Variants in ST6GALNAC3 observed in about 807,000 individuals in gnomAD.
ST6GALNAC3 encodes the protein ST6 N-acetylgalactosaminide alpha-2,6-sialyltransferase 3.
ST6GALNAC3 carries 25 observed loss-of-function variants against 32.7 expected under a neutral mutation model. The ratio of observed to expected loss-of-function variants is 0.76; its 90% CI spans 0.56 to 1.07. The LOEUF (loss-of-function observed/expected upper bound fraction) is 1.07. ST6GALNAC3 is among the 50% of genes least tolerant of loss of function. The pLI is 0.00. For missense variants in ST6GALNAC3, 355 were observed against 382.4 expected, an observed-to-expected ratio of 0.93 and a Z score of 0.60; for synonymous variants, 129 against 133.1, an observed-to-expected ratio of 0.97 and a Z score of 0.21.
chr1:76,354,006 C>A, intron 2 of ST6GALNAC3: 1 of 173,362 alleles, frequency 5.8e-6, no homozygotes, highest in Non-Finnish European at 1.3e-5. Flanking sequence ...TCCCAGGCTC[C>A]CTTTCAAACA....
chr1:76,361,220 C>A (rs770782697), intron 2 of ST6GALNAC3, among the ~76,000 whole-genome samples: 5 of 152,110 alleles, frequency 3.3e-5, no homozygotes, highest in Non-Finnish European at 7.4e-5. Flanking sequence ...TTAAACAACT[C>A]CCCATTCCCC....
intron 3 of ST6GALNAC3, among the ~76,000 whole-genome samples, chr1:76,428,532 G>C (rs914599399): frequency 6.6e-6 from 1 of 151,788 alleles, no homozygotes; most frequent in Non-Finnish European, 1.5e-5. Context: ...TTCTTTCCAC[G>C]TTATTTTGCA....
At chr1:76,627,635 C>A (rs1649059604) in intron 4 of ST6GALNAC3, 76 bp downstream of exon 4, 2 of 1,086,724 alleles carry the variant, frequency 1.8e-6, no homozygotes, top group Admixed American at 1.8e-5. Context: ...CATTTTAATA[C>A]CATAAATCTG....
At chr1:76,571,262 A>G (rs771801498) in intron 3 of ST6GALNAC3, among the ~76,000 whole-genome samples, 8 of 152,136 alleles carry the variant, frequency 5.3e-5, no homozygotes, top group Non-Finnish European at 1.0e-4. Context: ...GCTTCCTGCA[A>G]TATTCAATTC....
At chr1:76,542,888 A>G (rs1281843671) in intron 3 of ST6GALNAC3, among the ~76,000 whole-genome samples, 3 of 152,138 alleles carry the variant, frequency 2.0e-5, no homozygotes, top group Non-Finnish European at 4.4e-5. Context: ...AGGAATTGCT[A>G]CCTAACAGGT....
intron 1 of ST6GALNAC3, among the ~76,000 whole-genome samples, chr1:76,229,692 T>G (rs1282537127): frequency 6.6e-6 from 1 of 152,228 alleles, no homozygotes; most frequent in Non-Finnish European, 1.5e-5. Context: ...GTAGCTGTTG[T>G]TCCTTCAGGT....
At chr1:76,246,303 C>T (rs1657252782) in intron 1 of ST6GALNAC3, among the ~76,000 whole-genome samples, 1 of 152,026 alleles carries the variant, frequency 6.6e-6, no homozygotes, top group Non-Finnish European at 1.5e-5. Context: ...CTATGTGTGT[C>T]TTTGCACGTA....
At chr1:76,168,260 A>T (rs1652254534) in intron 1 of ST6GALNAC3, among the ~76,000 whole-genome samples, 1 of 152,170 alleles carries the variant, frequency 6.6e-6, no homozygotes, top group Admixed American at 6.6e-5. Context: ...GCCATTTAGG[A>T]ACAAGTTATT....
chr1:76,536,883 A>C (rs1469442734), intron 3 of ST6GALNAC3, among the ~76,000 whole-genome samples: 1 of 152,108 alleles, frequency 6.6e-6, no homozygotes, highest in Non-Finnish European at 1.5e-5. Flanking sequence ...CACACACTAA[A>C]TAGTGGGAGA....
chr1:76,403,706 TA>T, intron 2 of ST6GALNAC3, among the ~76,000 whole-genome samples: 1 of 152,114 alleles, frequency 6.6e-6, no homozygotes, highest in South Asian at 2.1e-4. Flanking sequence ...TAATACCATA[TA>T]GCAAGAATCA....
In ST6GALNAC3 at chr1:76,203,507, G is replaced by T. The variant is rs554652867; in HGVS notation, c.19-110298G>T. ...TACAGATGATTATGGTCAAATGAGG[G>T]AAAAGGTGACTTGTGTATTTTTTTT... On this transcript the variant is annotated intron_variant, in intron 1 of 4. Coordinates refer to ENST00000328299, the MANE Select transcript of ST6GALNAC3 (RefSeq NM_152996.4). 2.6e-4 allele frequency among the ~76,000 whole-genome samples: 31 copies of T among 120,458 alleles called. No individual in the cohort carries two copies. The South Asian group carries it at 0.011, about 42-fold the overall frequency. 79.0% of individuals were successfully genotyped at this position (120,458 alleles called of 152,430 possible). A position where few individuals can be genotyped will look rare whatever the true frequency, so the allele number is the denominator to read the frequency against.
At chr1:76,083,462 C>T (rs1646925745) in intron 1 of ST6GALNAC3, among the ~76,000 whole-genome samples, 1 of 152,176 alleles carries the variant, frequency 6.6e-6, no homozygotes, top group Non-Finnish European at 1.5e-5. Flanking sequence ...GAACTGCTCT[C>T]TAGGGTGTGG....
chr1:76,421,548 A>G (rs1426636084), intron 3 of ST6GALNAC3, among the ~76,000 whole-genome samples: 1 of 152,040 alleles, frequency 6.6e-6, no homozygotes, highest in Non-Finnish European at 1.5e-5. Context: ...TATAAGCACC[A>G]CCACAGAAGT....
At chr1:76,585,131 TC>T (rs1646942153) in intron 3 of ST6GALNAC3, among the ~76,000 whole-genome samples, 1 of 152,184 alleles carries the variant, frequency 6.6e-6, no homozygotes, top group South Asian at 2.1e-4. Flanking sequence ...ACGCCTGTAT[TC>T]CCAGCAATTT....
At chr1:76,479,791 C>T (rs1342245101) in intron 3 of ST6GALNAC3, among the ~76,000 whole-genome samples, 1 of 152,012 alleles carries the variant, frequency 6.6e-6, no homozygotes, top group African/African-American at 2.4e-5. Context: ...CATAGCAACT[C>T]CTTATTACCC....
At chr1:76,508,573 C>T (rs529158229) in intron 3 of ST6GALNAC3, among the ~76,000 whole-genome samples, 3 of 152,186 alleles carry the variant, frequency 2.0e-5, no homozygotes, top group African/African-American at 7.2e-5. Flanking sequence ...GAAGCATAAC[C>T]CCCCGGAGTC....
intron 1 of ST6GALNAC3, among the ~76,000 whole-genome samples, chr1:76,118,337 A>G (rs1269146029): frequency 6.6e-6 from 1 of 152,254 alleles, no homozygotes; most frequent in Non-Finnish European, 1.5e-5. Context: ...AGAATTTGAT[A>G]AATGCTATTT....
At position 76,627,550 on chromosome 1, in the gene ST6GALNAC3, C is replaced by A; in HGVS notation, c.722C>A (p.Thr241Asn). The change falls in exon 4 of 5, where the codon ACC (threonine) becomes AAC (asparagine). Residue 241 changes from threonine to asparagine, a missense_variant. By Grantham distance (65) the Thr-to-Asn change is moderately conservative (BLOSUM62 0). Coordinates refer to ENST00000328299, the MANE Select transcript of ST6GALNAC3 (RefSeq NM_152996.4). ...CACGTCTACGGGATGATAAATGACA[C>A]CTACTGCAAGTAAGATCACAAGAAA... ...GIHVYGMINDTYCKTEGYRKV... is the reference protein window; with the variant it reads ...GIHVYGMINDNYCKTEGYRKV... 1.2e-6 allele frequency: 2 copies of A among 1,610,532 alleles called. No individual in the cohort carries two copies. The highest frequency in any genetic ancestry group is 1.7e-6 in the Non-Finnish European group (2 of 1,177,264).
intron 2 of ST6GALNAC3, among the ~76,000 whole-genome samples, chr1:76,338,083 T>G (rs2100982135): frequency 6.6e-6 from 1 of 152,306 alleles, no homozygotes; most frequent in Non-Finnish European, 1.5e-5. Context: ...AGTATGCTAA[T>G]GAAGGAGCAG....
Sources: allele counts gnomAD v4.1 joint callset (sites outside exome capture counted in the v4.1 genomes callset), GRCh38; gene constraint gnomAD v4.1.1; transcripts MANE v1.5; gene names NCBI Gene and HGNC (gene_info 2026-07-23, HGNC 2026-07-21).